PRKN: variants seen among roughly 807,000 people sequenced by gnomAD.
The protein encoded by PRKN is parkin RBR E3 ubiquitin protein ligase, also known as E3 ubiquitin-protein ligase parkin.
In PRKN, 56 loss-of-function variants were observed where a neutral mutation model predicts 59.5. The observed-to-expected ratio is 0.94, with a 90% CI of 0.76 to 1.18. The LOEUF (loss-of-function observed/expected upper bound fraction) is 1.18. Ranked by LOEUF, PRKN falls within the 50% of genes most tolerant of loss-of-function variation. The pLI, the probability that PRKN is intolerant of heterozygous loss-of-function variation, is 0.00. For synonymous variants in PRKN, 250 were observed against 222.1 expected (o/e 1.13, Z -1.12); for missense variants, 657 against 596.4 (o/e 1.10, Z -1.06).
intron 6 of PRKN, among the ~76,000 whole-genome samples, chr6:161,875,037 A>C (rs867647005): frequency 4.1e-5 from 4 of 98,642 alleles, no homozygotes; most frequent in Admixed American, 1.2e-4. Context: ...TAATATAATA[A>C]ATTATATATT....
intron 6 of PRKN, among the ~76,000 whole-genome samples, chr6:161,910,610 T>C (rs1245774386): frequency 6.6e-6 from 1 of 152,096 alleles, no homozygotes; most frequent in Non-Finnish European, 1.5e-5. Context: ...TTTGACAGGG[T>C]TTGAGAGGAA....
intron 7 of PRKN, among the ~76,000 whole-genome samples, chr6:161,648,749 T>C (rs1176425182): frequency 6.6e-6 from 1 of 152,158 alleles, no homozygotes; most frequent in Admixed American, 6.5e-5. Flanking sequence ...ACAGCATAAT[T>C]CTTTGTACTA....
intron 7 of PRKN, among the ~76,000 whole-genome samples, chr6:161,646,380 C>A: frequency 8.8e-6 from 1 of 113,220 alleles, no homozygotes; most frequent in African/African-American, 3.4e-5. Flanking sequence ...GTGGTGACTG[C>A]GTGTGCGTGC....
chr6:162,119,529 G>GGGAA (rs1253369331), intron 4 of PRKN, among the ~76,000 whole-genome samples: 2 of 152,176 alleles, frequency 1.3e-5, no homozygotes, highest in Admixed American at 6.5e-5. Flanking sequence ...GAAGAGGCAA[G>GGGAA]GGAACTTCCT....
chr6:162,293,203 AATTAG>A (rs769271797), intron 2 of PRKN, among the ~76,000 whole-genome samples: 109 of 152,294 alleles, frequency 7.2e-4, no homozygotes, highest in Non-Finnish European at 1.0e-3. Flanking sequence ...GCCAACAGGA[AATTAG>A]ACTTCCCTTC....
At chr6:161,624,459 G>C (rs982249181) in intron 7 of PRKN, among the ~76,000 whole-genome samples, 6 of 152,182 alleles carry the variant, frequency 3.9e-5, no homozygotes, top group African/African-American at 1.4e-4. Flanking sequence ...AATATAAACT[G>C]GGGAGATGCT....
intron 6 of PRKN, among the ~76,000 whole-genome samples, chr6:161,951,533 G>A (rs1302576372): frequency 6.6e-6 from 1 of 152,192 alleles, no homozygotes; most frequent in Admixed American, 6.5e-5. Flanking sequence ...AGCTTGTAAT[G>A]TGGAATAGAC....
At chr6:162,498,439 CTTTTTTTTTTTT>C (rs34333763) in intron 1 of PRKN, among the ~76,000 whole-genome samples, 1 of 12,434 alleles carries the variant, frequency 8.0e-5, no homozygotes, top group Non-Finnish European at 1.6e-4. Flanking sequence ...TTTCCTTTTT[CTTTTTTTTTTTT>C]TTTTTTTTTT....
intron 1 of PRKN, among the ~76,000 whole-genome samples, chr6:162,667,217 T>G (rs2128229435): frequency 6.6e-6 from 1 of 152,202 alleles, no homozygotes; most frequent in South Asian, 2.1e-4. Flanking sequence ...CAAATTTACC[T>G]TAGCAATTTG....
intron 7 of PRKN, among the ~76,000 whole-genome samples, chr6:161,678,567 G>GTT (rs1554291793): frequency 3.6e-5 from 4 of 111,560 alleles, no homozygotes; most frequent in African/African-American, 1.4e-4. Context: ...TTTGGTGCCT[G>GTT]ATTTTTTTTT....
chr6:161,361,725 G>T lies in PRKN; in HGVS notation c.1168-1520C>A, dbSNP rs993251835. 1.3e-5 allele frequency among the ~76,000 whole-genome samples: 2 copies of T among 152,210 alleles called. No homozygotes were observed. Among genetic ancestry groups the T allele is most frequent in the African/African-American group, 4.8e-5 (2 of 41,450 alleles). On this transcript the variant is annotated intron_variant, in intron 10 of 11. Transcript: ENST00000366898. The surrounding 1 kb of genome is among the most constrained non-coding windows in gnomAD (Gnocchi z 5.2). Reference sequence around the variant, plus strand: ...GGAAACACCCTTGAGAACTGCCAGGGTGTCACGTGATTTGTGAATACTTTG... The same window carrying T: ...GGAAACACCCTTGAGAACTGCCAGGTTGTCACGTGATTTGTGAATACTTTG...
At chr6:162,130,910 GATGATATA>G in intron 4 of PRKN, among the ~76,000 whole-genome samples, 1 of 152,086 alleles carries the variant, frequency 6.6e-6, no homozygotes, top group East Asian at 1.9e-4. Flanking sequence ...TCACCAAATA[GATGATATA>G]ATGACAAGGA....
chr6:162,658,535 AC>A (rs1327856459), intron 1 of PRKN, among the ~76,000 whole-genome samples: 1 of 151,544 alleles, frequency 6.6e-6, no homozygotes, highest in African/African-American at 2.4e-5. Context: ...ATGGCGGGTG[AC>A]TGTAATCCCA....
Position 162,399,884 on chromosome 6 carries a change from AC to A in PRKN, c.171+43425del, listed in dbSNP as rs1360342829. ...GATAGAAAAAAGAACAATGAGCTAA[AC>A]GGCCTGTATGATTTGGAAAAAAAAG... On this transcript the variant is annotated intron_variant, in intron 2 of 11. Transcript: ENST00000366898. Among the ~76,000 whole-genome samples the A allele has an allele frequency of 3.9e-5, 6 of 152,244 alleles. No homozygotes were observed. The East Asian group carries it at 5.8e-4, about 15-fold the overall frequency.
rs1785540974 is a variant in PRKN, at chr6:161,373,838, A to G, written c.1167+12956T>C. 6.6e-6 allele frequency among the ~76,000 whole-genome samples: 1 copy of G among 152,114 alleles called. No homozygotes were observed. ...TAATGAAGGAATTATGGGGGCCAGGATCCAGCTGTTAGCTTTTCAAATCTG... is the reference window on the plus strand; with the variant it reads ...TAATGAAGGAATTATGGGGGCCAGGGTCCAGCTGTTAGCTTTTCAAATCTG... On this transcript the variant is annotated intron_variant, in intron 10 of 11. Coordinates refer to ENST00000366898, the MANE Select transcript of PRKN (RefSeq NM_004562.3). This position sits in a 1 kb window ranked among gnomAD's most constrained non-coding sequence, Gnocchi z 4.8.
At chr6:162,554,274 CG>C (rs1779460943) in intron 1 of PRKN, among the ~76,000 whole-genome samples, 1 of 152,058 alleles carries the variant, frequency 6.6e-6, no homozygotes, top group Admixed American at 6.6e-5. Flanking sequence ...GAGGCTGAGG[CG>C]GGCGGATCAC....
chr6:161,859,579 C>G (rs1793804033), intron 6 of PRKN, among the ~76,000 whole-genome samples: 1 of 146,584 alleles, frequency 6.8e-6, no homozygotes, highest in Non-Finnish European at 1.5e-5. Context: ...CCAGTGTACT[C>G]CAGCCTGGGT....
chr6:161,422,536 C>T (rs1424209841), intron 9 of PRKN, among the ~76,000 whole-genome samples: 2 of 152,138 alleles, frequency 1.3e-5, no homozygotes, highest in East Asian at 1.9e-4. Flanking sequence ...ATTAACTTTA[C>T]ACCTATCTCC....
chr6:162,213,222 A>G (rs1777471960), intron 3 of PRKN, among the ~76,000 whole-genome samples: 1 of 152,150 alleles, frequency 6.6e-6, no homozygotes, highest in Non-Finnish European at 1.5e-5. Context: ...AAACCTATCA[A>G]GATGCCATCT....
Sources: allele counts gnomAD v4.1 joint callset (sites outside exome capture counted in the v4.1 genomes callset), GRCh38; gene constraint gnomAD v4.1.1; non-coding constraint Gnocchi (gnomAD v3.1); transcripts MANE v1.5; gene names NCBI Gene and HGNC (gene_info 2026-07-23, HGNC 2026-07-21).